SH3BGRL2: variants seen among roughly 807,000 people sequenced by gnomAD.
The protein encoded by SH3BGRL2 is SH3 domain binding glutamate rich protein like 2, also known as SH3 domain-binding glutamic acid-rich-like protein 2.
SH3BGRL2 carries 21 observed loss-of-function variants against 14.8 expected under a neutral mutation model. That is an observed-to-expected ratio of 1.42 (90% CI 1.01 to 2.05). The LOEUF is 2.05. SH3BGRL2 is among the 30% of genes most tolerant of loss of function. The probability of loss-of-function intolerance (pLI) is 0.00; values close to 1 mark genes in which losing one functional copy is unlikely to be tolerated. For missense variants in SH3BGRL2, 147 were observed against 130.8 expected, an observed-to-expected ratio of 1.12 and a Z score of -0.61; for synonymous variants, 50 against 47.8, an observed-to-expected ratio of 1.05 and a Z score of -0.19.
chr6:79,617,215 G>GA, the SH3BGRL2 span, among the ~76,000 whole-genome samples: 21 of 151,542 alleles, frequency 1.4e-4, 1 homozygote, highest in African/African-American at 4.6e-4. Context: ...AAAAAGAAAA[G>GA]AAAAAGAAAA....
At chr6:79,596,379 T>G in the SH3BGRL2 span, among the ~76,000 whole-genome samples, 2 of 150,638 alleles carry the variant, frequency 1.3e-5, no homozygotes, top group African/African-American at 4.9e-5. Context: ...AGACTGGTCT[T>G]GAACTCCTGG....
the SH3BGRL2 span, among the ~76,000 whole-genome samples, chr6:79,581,225 T>A: frequency 6.6e-6 from 1 of 152,184 alleles, no homozygotes; most frequent in Non-Finnish European, 1.5e-5. Context: ...GAGAAGCTGG[T>A]ACCATTCCTT....
At chr6:79,690,632 G>T (rs1019231256) in intron 2 of SH3BGRL2, among the ~76,000 whole-genome samples, 1 of 152,180 alleles carries the variant, frequency 6.6e-6, no homozygotes, top group African/African-American at 2.4e-5. Context: ...AGTTGATCAA[G>T]GTCATAGATA....
the SH3BGRL2 span, among the ~76,000 whole-genome samples, chr6:79,599,822 A>G: frequency 6.6e-6 from 1 of 152,134 alleles, no homozygotes; most frequent in Non-Finnish European, 1.5e-5. Flanking sequence ...CACCACTACA[A>G]CAAGACTAAT....
chr6:79,625,042 G>A, the SH3BGRL2 span, among the ~76,000 whole-genome samples: 32 of 152,026 alleles, frequency 2.1e-4, no homozygotes, highest in African/African-American at 5.3e-4. Context: ...GTGTGGTGGC[G>A]CATGCTTGTA....
the SH3BGRL2 span, among the ~76,000 whole-genome samples, chr6:79,623,044 G>T: frequency 6.6e-6 from 1 of 152,250 alleles, no homozygotes; most frequent in Admixed American, 6.5e-5. Context: ...GGTAGCTCAC[G>T]CCTGTAATCC....
At chr6:79,609,492 G>T in the SH3BGRL2 span, among the ~76,000 whole-genome samples, 2 of 152,120 alleles carry the variant, frequency 1.3e-5, no homozygotes, top group Non-Finnish European at 2.9e-5. Context: ...AATTAGAGAA[G>T]TGTCTTTCTT....
At chr6:79,539,839 A>G in the SH3BGRL2 span, among the ~76,000 whole-genome samples, 2 of 152,248 alleles carry the variant, frequency 1.3e-5, no homozygotes, top group African/African-American at 4.8e-5. Flanking sequence ...TATATATAGT[A>G]TCTTGGAAAG....
At chr6:79,677,392 G>A (rs1769906504) in intron 2 of SH3BGRL2, among the ~76,000 whole-genome samples, 1 of 152,172 alleles carries the variant, frequency 6.6e-6, no homozygotes, top group Admixed American at 6.5e-5. Context: ...TTTAGCAGTT[G>A]TATATCTTGC....
At chr6:79,638,742 C>T (rs916395462) in intron 1 of SH3BGRL2, among the ~76,000 whole-genome samples, 4 of 151,984 alleles carry the variant, frequency 2.6e-5, no homozygotes, top group African/African-American at 9.7e-5. Context: ...ATTTGTATGT[C>T]TTCTTTTGAG....
intron 1 of SH3BGRL2, among the ~76,000 whole-genome samples, chr6:79,669,463 T>TC (rs1769728181): frequency 6.7e-6 from 1 of 150,326 alleles, no homozygotes; most frequent in Admixed American, 6.6e-5. Context: ...TTTTTTTTTT[T>TC]TTTTTTTTGA....
At chr6:79,649,262 C>T (rs1769232137) in intron 1 of SH3BGRL2, among the ~76,000 whole-genome samples, 1 of 152,122 alleles carries the variant, frequency 6.6e-6, no homozygotes, top group Non-Finnish European at 1.5e-5. Context: ...CAGCACACCA[C>T]ATCAAAGTAC....
At chr6:79,576,796 C>T in the SH3BGRL2 span, among the ~76,000 whole-genome samples, 3 of 152,182 alleles carry the variant, frequency 2.0e-5, no homozygotes, top group Non-Finnish European at 4.4e-5. Flanking sequence ...CTAAGGCATT[C>T]CCCACCCCAA....
upstream of SH3BGRL2, among the ~76,000 whole-genome samples, chr6:79,630,626 G>T (rs1768803722): frequency 6.6e-6 from 1 of 151,922 alleles, no homozygotes; most frequent in South Asian, 2.1e-4. Flanking sequence ...GAGGGGTGGG[G>T]CAGGTAGGGT....
At chr6:79,545,177 CTTTGAGA>C in the SH3BGRL2 span, among the ~76,000 whole-genome samples, 1 of 152,180 alleles carries the variant, frequency 6.6e-6, no homozygotes. Context: ...ACCTGTTTCC[CTTTGAGA>C]GTTCCTCCCC....
At chr6:79,603,033 G>GA in the SH3BGRL2 span, among the ~76,000 whole-genome samples, 1 of 152,024 alleles carries the variant, frequency 6.6e-6, no homozygotes, top group African/African-American at 2.4e-5. Flanking sequence ...ATATGATGTT[G>GA]AAAAAAACTG....
At chr6:79,598,027 T>C in the SH3BGRL2 span, among the ~76,000 whole-genome samples, 2 of 152,292 alleles carry the variant, frequency 1.3e-5, no homozygotes, top group South Asian at 4.1e-4. Flanking sequence ...CTAGCCACAA[T>C]GGAAATGTAA....
intron 1 of SH3BGRL2, among the ~76,000 whole-genome samples, chr6:79,653,663 C>A (rs913932828): frequency 6.6e-6 from 1 of 152,162 alleles, no homozygotes; most frequent in Non-Finnish European, 1.5e-5. Flanking sequence ...GGGTCTGTGC[C>A]TGAATTAGCA....
At chr6:79,632,013 T>A (rs1345204135) in intron 1 of SH3BGRL2, among the ~76,000 whole-genome samples, 1 of 152,222 alleles carries the variant, frequency 6.6e-6, no homozygotes, top group Non-Finnish European at 1.5e-5. Context: ...GTTTTATACC[T>A]GCGCAAAGAG....
Sources: allele counts gnomAD v4.1 joint callset (sites outside exome capture counted in the v4.1 genomes callset), GRCh38; gene constraint gnomAD v4.1.1; transcripts MANE v1.5; gene names NCBI Gene and HGNC (gene_info 2026-07-23, HGNC 2026-07-21).